FUT9: variants seen among roughly 807,000 people sequenced by gnomAD.
FUT9 encodes the protein 4-galactosyl-N-acetylglucosaminide 3-alpha-L-fucosyltransferase 9.
Under a neutral mutation model 29.7 loss-of-function variants are expected in FUT9, and 15 were observed. The observed-to-expected ratio is 0.51, with a 90% CI of 0.34 to 0.78. FUT9 has a LOEUF of 0.78. Ranked by LOEUF, FUT9 falls within the 30% of genes least tolerant of loss-of-function variation. The pLI, the probability that FUT9 is intolerant of heterozygous loss-of-function variation, is 0.01. For missense variants in FUT9, 319 were observed against 425.4 expected (o/e 0.75, Z 2.20); for synonymous variants, 169 against 153.7 (o/e 1.10, Z -0.74).
intron 1 of FUT9, among the ~76,000 whole-genome samples, chr6:96,038,366 C>G (rs1043814526): frequency 2.6e-5 from 4 of 152,110 alleles, no homozygotes; most frequent in African/African-American, 9.7e-5. Flanking sequence ...CTTCTATTAG[C>G]AGAACATCTG....
chr6:96,155,726 C>G (rs1772771673), intron 2 of FUT9, among the ~76,000 whole-genome samples: 1 of 151,756 alleles, frequency 6.6e-6, no homozygotes, highest in South Asian at 2.1e-4. Flanking sequence ...AAAGCAAGAG[C>G]TACCAGAGGT....
At chr6:96,046,252 G>A (rs1770562568) in intron 1 of FUT9, among the ~76,000 whole-genome samples, 1 of 128,702 alleles carries the variant, frequency 7.8e-6, no homozygotes, top group Admixed American at 7.7e-5. Flanking sequence ...CACCCCTGAA[G>A]CAATCATTTT....
chr6:96,032,153 C>T (rs2127927054), intron 1 of FUT9, among the ~76,000 whole-genome samples: 1 of 151,630 alleles, frequency 6.6e-6, no homozygotes, highest in South Asian at 2.1e-4. Flanking sequence ...TTACATAATA[C>T]AGAGTCCTTT....
intron 2 of FUT9, among the ~76,000 whole-genome samples, chr6:96,116,934 T>C (rs1203639320): frequency 6.6e-6 from 1 of 152,066 alleles, no homozygotes; most frequent in Non-Finnish European, 1.5e-5. Flanking sequence ...GAGTAAATTC[T>C]GCAGCATGCA....
intron 2 of FUT9, among the ~76,000 whole-genome samples, chr6:96,143,837 C>T (rs1772512079): frequency 2.0e-5 from 3 of 152,128 alleles, no homozygotes; most frequent in East Asian, 1.9e-4. Flanking sequence ...AGTCATATAA[C>T]AGAGGATAGA....
chr6:96,181,013 G>A (rs150411219), intron 2 of FUT9, among the ~76,000 whole-genome samples: 157 of 151,748 alleles, frequency 1.0e-3, no homozygotes, highest in Non-Finnish European at 1.9e-3. Context: ...AACATACATA[G>A]TTAGTCATTG....
At chr6:96,035,018 C>A (rs543775068) in intron 1 of FUT9, among the ~76,000 whole-genome samples, 1 of 151,744 alleles carries the variant, frequency 6.6e-6, no homozygotes, top group South Asian at 2.1e-4. Context: ...CTACAATTTT[C>A]TAAAAGCTCT....
chr6:96,046,522 C>T (rs1770566527), intron 1 of FUT9, among the ~76,000 whole-genome samples: 1 of 152,184 alleles, frequency 6.6e-6, no homozygotes, highest in Non-Finnish European at 1.5e-5. Context: ...TAAGTTTCTA[C>T]TCAAATGCCA....
chr6:96,172,595 A>G (rs1773132389), intron 2 of FUT9, among the ~76,000 whole-genome samples: 1 of 152,010 alleles, frequency 6.6e-6, no homozygotes, highest in South Asian at 2.1e-4. Flanking sequence ...ACATCATACC[A>G]CCAGTGTTTA....
rs775747797 is a variant in FUT9, at chr6:96,204,070, C to T, written c.915C>T (p.Val305=). The T allele has an allele frequency of 6.5e-6, 10 of 1,547,746 alleles. No homozygotes were observed. The highest frequency in any genetic ancestry group is 3.7e-5 in the South Asian group (3 of 80,304). ...AGCTAGCAAAGTATCTGAAGGAAGTCGACAAAAACAATAAGTTATACCTTA... is the reference window on the plus strand; with the variant it reads ...AGCTAGCAAAGTATCTGAAGGAAGTTGACAAAAACAATAAGTTATACCTTA... ...PSELAKYLKE[V]DKNNKLYLSY... is the part of the protein sequence containing the mutation. Residue 305 remains valine, a synonymous_variant, in exon 3 of 3, where the codon GTC becomes GTT. Coordinates refer to ENST00000302103, the MANE Select transcript of FUT9 (RefSeq NM_006581.4).
chr6:96,163,585 A>C (rs1373396048), intron 2 of FUT9, among the ~76,000 whole-genome samples: 1 of 152,018 alleles, frequency 6.6e-6, no homozygotes, highest in Non-Finnish European at 1.5e-5. Context: ...TCTGTACCTC[A>C]CCGCCGATTT....
intron 1 of FUT9, among the ~76,000 whole-genome samples, chr6:96,042,084 C>T (rs151051860): frequency 6.6e-6 from 1 of 152,136 alleles, no homozygotes; most frequent in Non-Finnish European, 1.5e-5. Context: ...GCTCAGTTCA[C>T]TCCCCCACCA....
chr6:96,162,320 G>A (rs368882957), intron 2 of FUT9, among the ~76,000 whole-genome samples: 2 of 152,108 alleles, frequency 1.3e-5, no homozygotes, highest in South Asian at 2.1e-4. Flanking sequence ...CAGTAGGTAT[G>A]TCATGTGTCA....
intron 1 of FUT9, among the ~76,000 whole-genome samples, chr6:96,083,471 A>G (rs1260391546): frequency 2.6e-5 from 4 of 152,124 alleles, no homozygotes; most frequent in African/African-American, 9.6e-5. Flanking sequence ...ATCATTGAAC[A>G]TAGCATAGAA....
chr6:96,133,599 C>T (rs1772292238), intron 2 of FUT9, among the ~76,000 whole-genome samples: 1 of 151,888 alleles, frequency 6.6e-6, no homozygotes, highest in Non-Finnish European at 1.5e-5. Flanking sequence ...CCCTCTGTCT[C>T]CTCAGGCAGT....
chr6:96,161,360 A>G (rs1772898179), intron 2 of FUT9, among the ~76,000 whole-genome samples: 1 of 152,148 alleles, frequency 6.6e-6, no homozygotes, highest in Non-Finnish European at 1.5e-5. Context: ...CGCTCCTCAG[A>G]CACCAAATCT....
At chr6:96,035,959 TTAATA>T (rs1232689489) in intron 1 of FUT9, among the ~76,000 whole-genome samples, 5 of 50,178 alleles carry the variant, frequency 1.0e-4, no homozygotes, top group Non-Finnish European at 1.9e-4. Flanking sequence ...GTTTATTATA[TTAATA>T]TAATATAATA....
At chr6:96,034,630 G>A (rs1277960179) in intron 1 of FUT9, among the ~76,000 whole-genome samples, 3 of 151,572 alleles carry the variant, frequency 2.0e-5, no homozygotes, top group Non-Finnish European at 4.4e-5. Flanking sequence ...GAGAAGCAAC[G>A]GAACAGAATG....
intron 2 of FUT9, among the ~76,000 whole-genome samples, chr6:96,192,745 G>C (rs1296070532): frequency 1.3e-5 from 2 of 151,980 alleles, no homozygotes; most frequent in East Asian, 3.9e-4. Flanking sequence ...GCATCACCAA[G>C]TCAATCCTAA....
Sources: allele counts gnomAD v4.1 joint callset (sites outside exome capture counted in the v4.1 genomes callset), GRCh38; gene constraint gnomAD v4.1.1; transcripts MANE v1.5; gene names NCBI Gene and HGNC (gene_info 2026-07-23, HGNC 2026-07-21).